THSD7B: variants seen among roughly 807,000 people sequenced by gnomAD.
THSD7B encodes thrombospondin type-1 domain-containing protein 7B.
THSD7B carries 138 observed loss-of-function variants against 213.6 expected under a neutral mutation model. The ratio of observed to expected loss-of-function variants is 0.65; its 90% CI spans 0.56 to 0.74. The LOEUF is 0.74. Ranked by LOEUF, THSD7B falls within the 30% of genes least tolerant of loss-of-function variation. The pLI is 0.00. For synonymous variants in THSD7B, 742 were observed against 687.0 expected (o/e 1.08, Z -1.25); for missense variants, 1,931 against 1,991.5 (o/e 0.97, Z 0.58).
chr2:137,556,700 C>G (rs377471688), intron 15 of THSD7B, among the ~76,000 whole-genome samples: 1 of 152,104 alleles, frequency 6.6e-6, no homozygotes, highest in Non-Finnish European at 1.5e-5. Flanking sequence ...ACAATATTAA[C>G]CTTAAATGTA....
chr2:137,498,341 T>C (rs1395766441), intron 15 of THSD7B, among the ~76,000 whole-genome samples: 1 of 152,146 alleles, frequency 6.6e-6, no homozygotes, highest in South Asian at 2.1e-4. Flanking sequence ...AAGTCTTTTT[T>C]TTTTTTTTCA....
At chr2:137,666,081 ATAGT>A (rs1020851337) in intron 26 of THSD7B, among the ~76,000 whole-genome samples, 2 of 152,214 alleles carry the variant, frequency 1.3e-5, no homozygotes, top group East Asian at 1.9e-4. Flanking sequence ...ATCTTTTTTA[ATAGT>A]TAGAAGTTTT....
intron 15 of THSD7B, among the ~76,000 whole-genome samples, chr2:137,474,788 C>A (rs950091647): frequency 6.6e-6 from 1 of 152,118 alleles, no homozygotes; most frequent in Non-Finnish European, 1.5e-5. Flanking sequence ...ATCCTTATCA[C>A]AAATGATGAA....
chr2:136,875,025 A>G (rs1683503992), intron 1 of THSD7B, among the ~76,000 whole-genome samples: 3 of 152,196 alleles, frequency 2.0e-5, no homozygotes, highest in African/African-American at 7.2e-5. Flanking sequence ...TACAGATACA[A>G]AAATGACTCC....
intron 2 of THSD7B, among the ~76,000 whole-genome samples, chr2:137,034,881 A>C (rs1364896841): frequency 5.3e-5 from 8 of 152,206 alleles, no homozygotes; most frequent in Admixed American, 5.2e-4. Flanking sequence ...GCTATTGTAA[A>C]TAGTGCTGCA....
chr2:137,532,546 C>A (rs1573689380), intron 15 of THSD7B, among the ~76,000 whole-genome samples: 1 of 151,658 alleles, frequency 6.6e-6, no homozygotes, highest in East Asian at 1.9e-4. Flanking sequence ...GATAAGATTT[C>A]CGTATTATAG....
chr2:137,162,336 G>A (rs1040090703), intron 6 of THSD7B, among the ~76,000 whole-genome samples: 9 of 152,212 alleles, frequency 5.9e-5, no homozygotes, highest in African/African-American at 1.4e-4. Context: ...CCCCGGAAGA[G>A]TCCTGGAGTT....
rs74570139 is a variant in THSD7B, at chr2:137,664,537, G to A, written c.4651+962G>A. ...GTGCAGGAATGGACATTTATTAGAT[G>A]CTTTCTGTGTGTCCTGTGGCTCTGT... On this transcript the variant is annotated intron_variant, in intron 26 of 27. Coordinates refer to ENST00000409968, the MANE Select transcript of THSD7B (RefSeq NM_001316349.2). 9.3e-3 allele frequency among the ~76,000 whole-genome samples: 1,418 copies of A among 152,254 alleles called. 26 individuals are homozygous for A. The highest frequency in any genetic ancestry group is 0.032 in the African/African-American group (1,349 of 41,552).
intron 5 of THSD7B, among the ~76,000 whole-genome samples, chr2:137,154,446 C>T (rs1679875016): frequency 6.6e-6 from 1 of 152,084 alleles, no homozygotes; most frequent in South Asian, 2.1e-4. Context: ...CCTCTTTTTA[C>T]TTTAAGCAAA....
In THSD7B at chr2:137,067,410, T is replaced by A. The variant is rs1219775339; in HGVS notation, c.950+10180T>A. Among the ~76,000 whole-genome samples, 4 of 152,180 alleles carry A rather than the reference T, an allele frequency of 2.6e-5. No individual in the cohort carries two copies. In the East Asian group the frequency reaches 5.8e-4, roughly 22 times the overall value. On this transcript the variant is annotated intron_variant, in intron 3 of 27. Transcript: ENST00000409968. Reference sequence around the variant, plus strand: ...TCTCCTTTGGTGTCCTTGTTTTTGTTCATTTTCTGTTGTGTTTTTTCTTTT... The same window carrying A: ...TCTCCTTTGGTGTCCTTGTTTTTGTACATTTTCTGTTGTGTTTTTTCTTTT...
chr2:137,632,068 G>GAT (rs1682751989), intron 20 of THSD7B, among the ~76,000 whole-genome samples: 4 of 152,122 alleles, frequency 2.6e-5, no homozygotes, highest in Admixed American at 2.6e-4. Flanking sequence ...TGTCAGTTGT[G>GAT]GAGGATGGAT....
At chr2:137,526,385 T>C (rs1464102016) in intron 15 of THSD7B, among the ~76,000 whole-genome samples, 1 of 151,892 alleles carries the variant, frequency 6.6e-6, no homozygotes, top group Admixed American at 6.6e-5. Context: ...CTAAATTTTC[T>C]TTAAGTTTAG....
intron 15 of THSD7B, among the ~76,000 whole-genome samples, chr2:137,485,716 A>G (rs1272042124): frequency 2.0e-5 from 3 of 152,196 alleles, no homozygotes. Context: ...AGTTGAAATG[A>G]AGCAAAAAAT....
chr2:137,305,618 C>T (rs1348909700), intron 12 of THSD7B, among the ~76,000 whole-genome samples: 1 of 152,112 alleles, frequency 6.6e-6, no homozygotes, highest in Non-Finnish European at 1.5e-5. Context: ...GCCCAGGAGG[C>T]AAGTCAGTAC....
chr2:137,471,645 G>A (rs1688097533), intron 15 of THSD7B, among the ~76,000 whole-genome samples: 1 of 152,032 alleles, frequency 6.6e-6, no homozygotes, highest in Admixed American at 6.5e-5. Context: ...AGCCTCAAGA[G>A]GATAAATCTA....
chr2:137,445,112 C>G (rs1005690240), intron 14 of THSD7B, among the ~76,000 whole-genome samples: 3 of 151,780 alleles, frequency 2.0e-5, no homozygotes, highest in African/African-American at 7.2e-5. Flanking sequence ...AACTAACAAA[C>G]TCTAGTGAGG....
At chr2:137,205,686 A>G (rs1020568542) in intron 7 of THSD7B, among the ~76,000 whole-genome samples, 10 of 152,070 alleles carry the variant, frequency 6.6e-5, no homozygotes, top group African/African-American at 2.4e-4. Context: ...ACAAAAATCG[A>G]GGTGATGGAA....
At chr2:137,411,983 C>A in intron 14 of THSD7B, 111 bp downstream of exon 14, 3 of 1,273,986 alleles carry the variant, frequency 2.4e-6, no homozygotes, top group Non-Finnish European at 2.1e-6. Flanking sequence ...TTTAATTTTC[C>A]TTTGTCAATA....
intron 2 of THSD7B, among the ~76,000 whole-genome samples, chr2:136,901,878 T>C (rs1684069961): frequency 6.6e-6 from 1 of 152,238 alleles, no homozygotes. Flanking sequence ...CTCTGAGTTG[T>C]TTGCCCTTGA....
Sources: allele counts gnomAD v4.1 joint callset (sites outside exome capture counted in the v4.1 genomes callset), GRCh38; gene constraint gnomAD v4.1.1; transcripts MANE v1.5; gene names NCBI Gene and HGNC (gene_info 2026-07-23, HGNC 2026-07-21).